The following OR1J2 variants were observed in gnomAD, a reference collection of about 807,000 sequenced individuals.
The protein encoded by OR1J2 is olfactory receptor 1J2.
For synonymous variants in OR1J2, 142 were observed against 99.7 expected (o/e 1.42, Z -2.52); for missense variants, 304 against 246.1 (o/e 1.24, Z -1.57).
the OR1J2 span, among the ~76,000 whole-genome samples, chr9:122,494,446 T>C: frequency 6.6e-6 from 1 of 152,224 alleles, no homozygotes; most frequent in Non-Finnish European, 1.5e-5. Flanking sequence ...TCCCTCTTTG[T>C]CTTTTTTAAC....
At chr9:122,490,457 C>T in the OR1J2 span, among the ~76,000 whole-genome samples, 6 of 152,098 alleles carry the variant, frequency 3.9e-5, no homozygotes, top group East Asian at 1.2e-3. Flanking sequence ...GCTTGTTTAC[C>T]CTTAAAGGTA....
At chr9:122,470,245 A>G in the OR1J2 span, among the ~76,000 whole-genome samples, 1 of 152,294 alleles carries the variant, frequency 6.6e-6, no homozygotes, top group Middle Eastern at 3.4e-3. Flanking sequence ...TGTGTGCAGT[A>G]TAGAGACTTG....
the OR1J2 span, among the ~76,000 whole-genome samples, chr9:122,574,223 T>G: frequency 6.6e-6 from 1 of 152,172 alleles, no homozygotes. Flanking sequence ...TTAGAATTAG[T>G]TTTTTAATAT....
At chr9:122,539,024 T>TA in the OR1J2 span, among the ~76,000 whole-genome samples, 10 of 151,852 alleles carry the variant, frequency 6.6e-5, no homozygotes, top group East Asian at 1.5e-3. Flanking sequence ...AATCTAAAGT[T>TA]AAAAAAAATA....
At chr9:122,473,749 T>G in the OR1J2 span, among the ~76,000 whole-genome samples, 1 of 152,160 alleles carries the variant, frequency 6.6e-6, no homozygotes, top group East Asian at 1.9e-4. Flanking sequence ...AGTTACCAGG[T>G]GGGCATGGGA....
At chr9:122,452,086 G>A in the OR1J2 span, among the ~76,000 whole-genome samples, 1 of 152,106 alleles carries the variant, frequency 6.6e-6, no homozygotes, top group Admixed American at 6.6e-5. Flanking sequence ...CACCGTGTTG[G>A]CCAGGATGGT....
the OR1J2 span, among the ~76,000 whole-genome samples, chr9:122,470,025 A>G: frequency 6.6e-6 from 1 of 152,362 alleles, no homozygotes; most frequent in South Asian, 2.1e-4. Flanking sequence ...GGACAATGTC[A>G]TAGGATAGAA....
At chr9:122,454,320 C>T in the OR1J2 span, among the ~76,000 whole-genome samples, 1 of 152,120 alleles carries the variant, frequency 6.6e-6, no homozygotes, top group African/African-American at 2.4e-5. Flanking sequence ...GAGTTTGAGA[C>T]CAGCCTGGCA....
At chr9:122,535,210 G>A in the OR1J2 span, among the ~76,000 whole-genome samples, 1 of 152,050 alleles carries the variant, frequency 6.6e-6, no homozygotes, top group Non-Finnish European at 1.5e-5. Flanking sequence ...GCAGAAATAA[G>A]AGGTCGGGGC....
At chr9:122,485,327 A>C in the OR1J2 span, among the ~76,000 whole-genome samples, 1 of 152,232 alleles carries the variant, frequency 6.6e-6, no homozygotes, top group Non-Finnish European at 1.5e-5. Context: ...TTTGTTACTT[A>C]GTCTTAGAGG....
the OR1J2 span, among the ~76,000 whole-genome samples, chr9:122,544,408 C>CTT: frequency 1.8e-5 from 2 of 110,952 alleles, no homozygotes; most frequent in South Asian, 4.3e-4. Context: ...AAAATAGCCT[C>CTT]TTTTTTCTTT....
the OR1J2 span, among the ~76,000 whole-genome samples, chr9:122,545,318 C>T: frequency 3.4e-4 from 51 of 151,826 alleles, no homozygotes; most frequent in African/African-American, 9.7e-4. Context: ...TATGGTATTC[C>T]GTAAGTATCA....
At chr9:122,510,250 C>G (rs1828607366), upstream of OR1J2, among the ~76,000 whole-genome samples, 1 of 152,178 alleles carries the variant, frequency 6.6e-6, no homozygotes, top group Non-Finnish European at 1.5e-5. Context: ...GTTGCTGTAC[C>G]ATGACTGATG....
At chr9:122,481,952 A>G in the OR1J2 span, among the ~76,000 whole-genome samples, 5 of 152,126 alleles carry the variant, frequency 3.3e-5, no homozygotes, top group Non-Finnish European at 5.9e-5. Context: ...ATTAATTTAG[A>G]CAAGGATTTT....
the OR1J2 span, among the ~76,000 whole-genome samples, chr9:122,467,485 C>G: frequency 6.6e-6 from 1 of 152,114 alleles, no homozygotes; most frequent in Non-Finnish European, 1.5e-5. Flanking sequence ...TTATGTCATT[C>G]CCTGTTCAGA....
At chr9:122,493,208 T>G in the OR1J2 span, among the ~76,000 whole-genome samples, 1 of 152,200 alleles carries the variant, frequency 6.6e-6, no homozygotes, top group African/African-American at 2.4e-5. Flanking sequence ...AGGGTGATAC[T>G]GGCTTCACAG....
At chr9:122,541,891 T>C in the OR1J2 span, among the ~76,000 whole-genome samples, 1 of 152,136 alleles carries the variant, frequency 6.6e-6, no homozygotes, top group African/African-American at 2.4e-5. Flanking sequence ...AGAGCACAGC[T>C]CAATAATTTT....
chr9:122,525,084 A>G, the OR1J2 span, among the ~76,000 whole-genome samples: 5 of 152,188 alleles, frequency 3.3e-5, no homozygotes, highest in African/African-American at 4.8e-5. Flanking sequence ...CAAGTTTGCA[A>G]CCATCTCCAG....
At chr9:122,531,643 G>C in the OR1J2 span, among the ~76,000 whole-genome samples, 2 of 152,204 alleles carry the variant, frequency 1.3e-5, no homozygotes, top group Non-Finnish European at 2.9e-5. Flanking sequence ...GGCTGAGCTT[G>C]ATAAGGTGTG....
Sources: gnomAD v4.1 joint callset for allele counts (sites outside exome capture counted in the v4.1 genomes callset) on GRCh38, gnomAD v4.1.1 for gene constraint, MANE v1.5 for transcripts, NCBI Gene and HGNC (gene_info 2026-07-23, HGNC 2026-07-21) for gene names.